CEP164: variants seen among roughly 807,000 people sequenced by gnomAD.
The protein encoded by CEP164 is centrosomal protein 164.
In CEP164, 162 loss-of-function variants were observed where a neutral mutation model predicts 182.7. That is an observed-to-expected ratio of 0.89 (90% CI 0.78 to 1.01). The LOEUF is 1.01. Among genes scored for constraint, CEP164 ranks in the 50% least tolerant of loss-of-function variants. The pLI is 0.00. For synonymous variants in CEP164, 661 were observed against 690.0 expected (o/e 0.96, Z 0.66); for missense variants, 1,735 against 1,790.4 (o/e 0.97, Z 0.56).
At chr11:117,368,137 AG>A (rs2041845460) in intron 8 of CEP164, among the ~76,000 whole-genome samples, 1 of 152,254 alleles carries the variant, frequency 6.6e-6, no homozygotes, top group Non-Finnish European at 1.5e-5. Context: ...TGACAGAAAC[AG>A]ATAAGGAAAT....
At chr11:117,342,141 A>G (rs1272585529) in intron 3 of CEP164, among the ~76,000 whole-genome samples, 2 of 152,236 alleles carry the variant, frequency 1.3e-5, no homozygotes, top group African/African-American at 4.8e-5. Context: ...ACTAGAATGT[A>G]AGCTCCATAA....
At chr11:117,352,998 C>A (rs1392794498) in intron 5 of CEP164, among the ~76,000 whole-genome samples, 1 of 152,016 alleles carries the variant, frequency 6.6e-6, no homozygotes, top group East Asian at 1.9e-4. Context: ...AGTTATTGCC[C>A]ACATGATTTA....
At chr11:117,353,997 TCTTCTC>T (rs67060142) in intron 5 of CEP164, among the ~76,000 whole-genome samples, 31,831 of 134,344 alleles carry the variant, frequency 0.24, 3,434 homozygotes, top group African/African-American at 0.3. Context: ...GGACTTTTCT[TCTTCTC>T]CTTCTTCTTC....
chr11:117,391,317 T>A, intron 17 of CEP164, 102 bp downstream of exon 17: 1 of 1,177,248 alleles, frequency 8.5e-7, no homozygotes, highest in Admixed American at 2.1e-5. Context: ...CGGGTGGGCG[T>A]GCAGGCTGGG....
rs2044814795 is a variant in CEP164 at position 117,392,645 on chromosome 11, T to A, written c.2493+18T>A. 1 of 1,611,956 alleles carries A rather than the reference T, an allele frequency of 6.2e-7. No homozygotes were observed. Among genetic ancestry groups the A allele is most frequent in the South Asian group, 1.1e-5 (1 of 90,812 alleles). On this transcript the variant is annotated intron_variant, in intron 19 of 32. Coordinates refer to ENST00000278935, the MANE Select transcript of CEP164 (RefSeq NM_014956.5). The stretch of plus-strand genomic sequence containing the variant: ...AGCACGAGGTGAGTGCTGCTCTGTC[T>A]TCCACAGTCGTGTGCGCCTGTTGTG...
At position 117,411,779 on chromosome 11, in the gene CEP164, T is replaced by C; in HGVS notation, c.4164-16T>C. 6.2e-7 allele frequency: 1 copy of C among 1,613,984 alleles called. No homozygotes were observed. Among genetic ancestry groups the C allele is most frequent in the Non-Finnish European group, 8.5e-7 (1 of 1,179,940 alleles). ...CCTCCTCTCTCCCCTCGCCATGCTC[T>C]CCTCTTCCTTCCCAGTGAGCAGCTC... On this transcript the variant is annotated splice_polypyrimidine_tract_variant and intron_variant, in intron 31 of 32. Coordinates refer to ENST00000278935, the MANE Select transcript of CEP164 (RefSeq NM_014956.5). This position sits in a 1 kb window ranked among gnomAD's most constrained non-coding sequence, Gnocchi z 4.4.
intron 14 of CEP164, chr11:117,386,791 G>A (rs956006168): frequency 5.2e-6 from 1 of 190,526 alleles, no homozygotes; most frequent in African/African-American, 2.3e-5. Flanking sequence ...TTGCTGGCAT[G>A]AGCCTTAAGT....
At chr11:117,329,701 C>G (rs1014028763) in intron 1 of CEP164, among the ~76,000 whole-genome samples, 13 of 152,106 alleles carry the variant, frequency 8.5e-5, no homozygotes, top group Admixed American at 5.9e-4. Flanking sequence ...ACCACAACTC[C>G]TGGCTAATTT....
Position 117,411,043 on chromosome 11 carries a change from G to T in CEP164, c.4163+149G>T, listed in dbSNP as rs796607579. The T allele has an allele frequency of 1.0e-5, 7 of 687,710 alleles. No homozygotes were observed. Among genetic ancestry groups the T allele is most frequent in the Non-Finnish European group, 1.7e-5 (7 of 401,302 alleles). 42.6% of individuals were successfully genotyped at this position (687,710 alleles called of 1,614,324 possible). On this transcript the variant is annotated intron_variant, in intron 31 of 32. Transcript: ENST00000278935. The surrounding 1 kb of genome is among the most constrained non-coding windows in gnomAD (Gnocchi z 4.4). ...GCCTCTAGTCCACAGAGCTGTCCCC[G>T]CTTGCCTGGGTCTGAGGCGCCCCTC...
rs2039674229 is a variant in CEP164, at chr11:117,351,864, A to G, written c.269A>G (p.Glu90Gly). ...TCTATGTGGGACCATCCATGTGACG[A>G]ACACTATCGGAGCTTGGTGATCCAA... Reference protein sequence around the residue: ...GQSMWDHPCDEHYRSLVIQER... With the variant: ...GQSMWDHPCDGHYRSLVIQER... The change falls in exon 5 of 33, where the codon GAA (glutamate) becomes GGA (glycine). Residue 90 changes from glutamate (E) to glycine (G), a missense_variant. Coordinates refer to ENST00000278935, the MANE Select transcript of CEP164 (RefSeq NM_014956.5). The G allele has an allele frequency of 6.2e-7, 1 of 1,613,824 alleles. No homozygotes were observed. Among genetic ancestry groups the G allele is most frequent in the Non-Finnish European group, 8.5e-7 (1 of 1,179,968 alleles).
Position 117,392,282 on chromosome 11 carries a change from A to G in CEP164, c.2340A>G (p.Ser780=), listed in dbSNP as rs908435695. 3.5e-5 allele frequency: 56 copies of G among 1,611,418 alleles called. No homozygotes were observed. Among genetic ancestry groups the G allele is most frequent in the Non-Finnish European group, 4.4e-5 (52 of 1,179,692 alleles). Residue 780 remains serine (S), a synonymous_variant, in exon 18 of 33, where the codon TCA becomes TCG. Coordinates refer to ENST00000278935, the MANE Select transcript of CEP164 (RefSeq NM_014956.5). ...HSAELERLCS[S]LEAKHREVVS... ...CTGAGCTGGAGCGGCTCTGCTCCTCATTGGAGGCCAAGCACCGGGAGGTAA... is the reference window on the plus strand; with the variant it reads ...CTGAGCTGGAGCGGCTCTGCTCCTCGTTGGAGGCCAAGCACCGGGAGGTAA...
rs193061836 is a variant in CEP164, at chr11:117,399,684, A to G, written c.3501+2371A>G. Among the ~76,000 whole-genome samples the G allele has an allele frequency of 2.6e-3, 399 of 152,220 alleles. 3 individuals carry two copies. The highest frequency in any genetic ancestry group is 8.4e-3 in the African/African-American group (348 of 41,536). On this transcript the variant is annotated intron_variant, in intron 27 of 32. Coordinates refer to ENST00000278935, the MANE Select transcript of CEP164 (RefSeq NM_014956.5). The stretch of plus-strand genomic sequence containing the variant: ...TATTTAATGATTGCCATTCTAACCA[A>G]TGTGAGATGGTATCTCATTGTGGTT...
intron 13 of CEP164, 129 bp downstream of exon 13, chr11:117,381,997 C>T (rs548823815): frequency 4.1e-5 from 31 of 754,684 alleles, no homozygotes; most frequent in South Asian, 2.9e-4. Flanking sequence ...GGAGCTGGGG[C>T]GGGTTTGTAG....
intron 4 of CEP164, among the ~76,000 whole-genome samples, chr11:117,347,666 T>A (rs2135351585): frequency 6.6e-6 from 1 of 150,666 alleles, no homozygotes; most frequent in Non-Finnish European, 1.5e-5. Flanking sequence ...GCCGAGATCG[T>A]GCCATTGCAC....
intron 10 of CEP164, 147 bp downstream of exon 10, chr11:117,373,978 A>G: frequency 1.6e-6 from 1 of 625,014 alleles, no homozygotes; most frequent in Non-Finnish European, 2.9e-6. Flanking sequence ...CCAGTTTCTC[A>G]ACCCATTAAC....
chr11:117,412,273 C>T lies in CEP164; in HGVS notation c.*105C>T, dbSNP rs1473394836. The T allele has an allele frequency of 3.9e-6, 4 of 1,020,768 alleles. No individual in the cohort carries two copies. Among genetic ancestry groups the T allele is most frequent in the Admixed American group, 5.2e-5 (2 of 38,664 alleles). 63.2% of individuals were successfully genotyped at this position (1,020,768 alleles called of 1,614,324 possible). ...ATCTGAGAAAGCACCCTCCTTCCCC[C>T]TTTGACTTGCAGGAGCCACCAGGGA... On this transcript the variant is annotated 3_prime_UTR_variant, in exon 33 of 33. Coordinates refer to ENST00000278935, the MANE Select transcript of CEP164 (RefSeq NM_014956.5).
intron 8 of CEP164, among the ~76,000 whole-genome samples, chr11:117,370,232 G>A (rs1284695990): frequency 6.6e-6 from 1 of 151,808 alleles, no homozygotes; most frequent in African/African-American, 2.4e-5. Context: ...GCTCGGTGAG[G>A]ATGCTGTCTC....
chr11:117,380,601 T>C lies in CEP164; in HGVS notation c.1318-13T>C. 1.3e-6 allele frequency: 2 copies of C among 1,583,272 alleles called. No homozygotes were observed. Among genetic ancestry groups the C allele is most frequent in the South Asian group, 2.3e-5 (2 of 86,436 alleles). On this transcript the variant is annotated splice_polypyrimidine_tract_variant and intron_variant, in intron 11 of 32. Transcript: ENST00000278935. The stretch of plus-strand genomic sequence containing the variant: ...CCCTCCAACACAAACTTTTTATTGC[T>C]TCTCTCCTACAGGCCCAGCAACCAC...
At chr11:117,366,425 C>T (rs900732421) in intron 8 of CEP164, among the ~76,000 whole-genome samples, 33 of 152,154 alleles carry the variant, frequency 2.2e-4, no homozygotes, top group Non-Finnish European at 1.0e-4. Context: ...TCCTCTCCTG[C>T]TTTCCAACTT....
Sources: gnomAD v4.1 joint callset for allele counts (sites outside exome capture counted in the v4.1 genomes callset) on GRCh38, gnomAD v4.1.1 for gene constraint, Gnocchi (gnomAD v3.1) non-coding constraint, MANE v1.5 for transcripts, NCBI Gene and HGNC (gene_info 2026-07-23, HGNC 2026-07-21) for gene names.